CNTNAP4: variants seen among roughly 807,000 people sequenced by gnomAD.
The protein encoded by CNTNAP4 is contactin-associated protein-like 4.
Under a neutral mutation model 148.4 loss-of-function variants are expected in CNTNAP4, and 98 were observed. That is an observed-to-expected ratio of 0.66 (90% CI 0.56 to 0.78). CNTNAP4 has a LOEUF of 0.78. Among genes scored for constraint, CNTNAP4 ranks in the 30% least tolerant of loss-of-function variants. The pLI is 0.00. For synonymous variants in CNTNAP4, 730 were observed against 565.1 expected, an observed-to-expected ratio of 1.29 and a Z score of -4.14; for missense variants, 1,935 against 1,565.6, an observed-to-expected ratio of 1.24 and a Z score of -3.98.
At chr16:76,353,948 G>A (rs1296810338) in intron 2 of CNTNAP4, among the ~76,000 whole-genome samples, 1 of 152,102 alleles carries the variant, frequency 6.6e-6, no homozygotes, top group Non-Finnish European at 1.5e-5. Flanking sequence ...ATTAGGTCTT[G>A]TACTCAAGGT....
chr16:76,403,996 G>A (rs1331996168), intron 3 of CNTNAP4, among the ~76,000 whole-genome samples: 1 of 152,088 alleles, frequency 6.6e-6, no homozygotes, highest in East Asian at 1.9e-4. Context: ...TAAATGATGA[G>A]AACTCATAAA....
intron 2 of CNTNAP4, 148 bp from the exon 3 acceptor site, chr16:76,355,170 T>C (rs2012411200): frequency 1.9e-5 from 9 of 480,212 alleles, no homozygotes; most frequent in Middle Eastern, 5.4e-4. Flanking sequence ...TTCTTACCTC[T>C]ATATTTTTCT....
intron 3 of CNTNAP4, among the ~76,000 whole-genome samples, chr16:76,366,409 T>C (rs1397694430): frequency 6.6e-6 from 1 of 152,212 alleles, no homozygotes; most frequent in Admixed American, 6.5e-5. Flanking sequence ...GTGCATTAGT[T>C]TGCTAATGAT....
In CNTNAP4 at chr16:76,337,627, C is replaced by T. The variant is rs898370575; in HGVS notation, c.197-17691C>T. On this transcript the variant is annotated intron_variant, in intron 2 of 23. Transcript: ENST00000611870. ...AAACATCTTAACAGGAAACAGGGTT[C>T]GAGAGCAGACAACTGATCTGACTAG... 7.2e-5 allele frequency among the ~76,000 whole-genome samples: 11 copies of T among 152,226 alleles called. No individual in the cohort carries two copies. The South Asian group carries it at 8.3e-4, about 11-fold the overall frequency.
chr16:76,278,673 T>C (rs1958574739), intron 1 of CNTNAP4, among the ~76,000 whole-genome samples: 1 of 152,230 alleles, frequency 6.6e-6, no homozygotes, highest in Non-Finnish European at 1.5e-5. Context: ...TCTTGGATTT[T>C]AAAGGAAAAG....
At chr16:76,396,979 C>T (rs553665206) in intron 3 of CNTNAP4, among the ~76,000 whole-genome samples, 29 of 152,154 alleles carry the variant, frequency 1.9e-4, no homozygotes, top group African/African-American at 6.3e-4. Context: ...TGAGGGAAAC[C>T]AGAGAGACTT....
chr16:76,478,011 G>A (rs1025043509), intron 11 of CNTNAP4, among the ~76,000 whole-genome samples: 9 of 152,168 alleles, frequency 5.9e-5, no homozygotes, highest in East Asian at 1.9e-4. Flanking sequence ...TAACTATTCC[G>A]AGAAATGAAG....
rs746772062 is a variant in CNTNAP4, at chr16:76,277,637, T to G, written c.-26T>G. 2 of 1,554,588 alleles carry G rather than the reference T, an allele frequency of 1.3e-6. No individual in the cohort carries two copies. The highest frequency in any genetic ancestry group is 1.8e-6 in the Non-Finnish European group (2 of 1,136,890). ...GCGCTCTGAGAGCCTCTCAAGATCT[T>G]TTGGGGGAGCCCAATAAATGTGAAC... On this transcript the variant is annotated 5_prime_UTR_variant, in exon 1 of 24. Transcript: ENST00000611870.
chr16:76,349,253 A>G (rs1456168559), intron 2 of CNTNAP4, among the ~76,000 whole-genome samples: 2 of 152,150 alleles, frequency 1.3e-5, no homozygotes, highest in South Asian at 4.1e-4. Context: ...TTAATAGCAG[A>G]AAAGAGTCTG....
rs186116833 is a variant in CNTNAP4 at position 76,317,049 on chromosome 16, T to C, written c.196+526T>C. 3.3e-5 allele frequency among the ~76,000 whole-genome samples: 5 copies of C among 151,834 alleles called. No individual in the cohort carries two copies. In the East Asian group the frequency reaches 7.8e-4, roughly 24 times the overall value. ...AGGAGGCTGAGGTGGGAAGATCACT[T>C]GAAGTGAGGAGTTCAAGACCAGCCT... On this transcript the variant is annotated intron_variant, in intron 2 of 23. Coordinates refer to ENST00000611870, the MANE Select transcript of CNTNAP4 (RefSeq NM_033401.5).
chr16:76,553,852 A>G lies in CNTNAP4; in HGVS notation c.3678A>G (p.Ile1226Met), dbSNP rs2085076104. ...TAACTGCAGATCATTCTGGAACAAT[A>G]GATGACAGAGAGCCCCTTGCTAATG... ...THSFADHSGT[I>M]DDREPLANAI... Residue 1226 changes from isoleucine (I) to methionine (M), a missense_variant, in exon 23 of 24, where the codon ATA becomes ATG. Ile to Met is a conservative substitution (Grantham distance 10). Transcript: ENST00000611870. 1 of 1,611,588 alleles carries G rather than the reference A, an allele frequency of 6.2e-7. No individual in the cohort carries two copies. The highest frequency in any genetic ancestry group is 8.5e-7 in the Non-Finnish European group (1 of 1,178,052).
intron 9 of CNTNAP4, among the ~76,000 whole-genome samples, chr16:76,462,931 C>G (rs1387401734): frequency 6.6e-6 from 1 of 152,160 alleles, no homozygotes; most frequent in East Asian, 1.9e-4. Context: ...GTAGCTGAGT[C>G]TCTATTATTC....
At chr16:76,328,710 A>G (rs771641614) in intron 2 of CNTNAP4, among the ~76,000 whole-genome samples, 9 of 152,260 alleles carry the variant, frequency 5.9e-5, no homozygotes, top group East Asian at 1.9e-4. Context: ...CATTAGCGCA[A>G]TCTTGGCTCA....
At chr16:76,472,011 G>C (rs1288234345) in intron 10 of CNTNAP4, among the ~76,000 whole-genome samples, 1 of 152,132 alleles carries the variant, frequency 6.6e-6, no homozygotes, top group Non-Finnish European at 1.5e-5. Flanking sequence ...GGAATCATGA[G>C]AAATCAAAAT....
At chr16:76,299,919 C>G (rs1959764624) in intron 1 of CNTNAP4, among the ~76,000 whole-genome samples, 1 of 152,080 alleles carries the variant, frequency 6.6e-6, no homozygotes, top group Admixed American at 6.6e-5. Context: ...ACCTCATGTT[C>G]TCACTCATAG....
At chr16:76,322,435 G>A (rs1962524265) in intron 2 of CNTNAP4, among the ~76,000 whole-genome samples, 1 of 152,098 alleles carries the variant, frequency 6.6e-6, no homozygotes, top group Non-Finnish European at 1.5e-5. Context: ...ATTCTTTCCT[G>A]CAGATCATAA....
intron 4 of CNTNAP4, among the ~76,000 whole-genome samples, chr16:76,443,537 G>A (rs754507589): frequency 6.6e-6 from 1 of 152,110 alleles, no homozygotes; most frequent in Non-Finnish European, 1.5e-5. Context: ...GCTGCAGTGA[G>A]CTGAGATTAT....
At chr16:76,517,815 C>G (rs1261989589) in intron 15 of CNTNAP4, among the ~76,000 whole-genome samples, 1 of 152,130 alleles carries the variant, frequency 6.6e-6, no homozygotes, top group African/African-American at 2.4e-5. Context: ...TGAGCCGCTG[C>G]TCTCCCTCGA....
At chr16:76,468,919 A>T (rs1568298213) in intron 10 of CNTNAP4, among the ~76,000 whole-genome samples, 1 of 152,238 alleles carries the variant, frequency 6.6e-6, no homozygotes, top group Non-Finnish European at 1.5e-5. Context: ...TTTTTAAAAC[A>T]GTGTGACCAA....
Sources: allele counts gnomAD v4.1 joint callset (sites outside exome capture counted in the v4.1 genomes callset), GRCh38; gene constraint gnomAD v4.1.1; transcripts MANE v1.5; gene names NCBI Gene and HGNC (gene_info 2026-07-23, HGNC 2026-07-21).